PLCB1: variants seen among roughly 807,000 people sequenced by gnomAD.
PLCB1 encodes the protein phospholipase C beta 1.
Under a neutral mutation model 161.8 loss-of-function variants are expected in PLCB1, and 46 were observed. The ratio of observed to expected loss-of-function variants is 0.28; its 90% CI spans 0.22 to 0.36. The LOEUF is 0.36. Ranked by LOEUF, PLCB1 falls within the 10% of genes least tolerant of loss-of-function variation. PLCB1 has a pLI of 1.00. For missense variants in PLCB1, 1,016 were observed against 1,472.5 expected, an observed-to-expected ratio of 0.69 and a Z score of 5.07; for synonymous variants, 517 against 503.7, an observed-to-expected ratio of 1.03 and a Z score of -0.35.
At chr20:8,601,469 T>C (rs1987584772) in intron 3 of PLCB1, among the ~76,000 whole-genome samples, 1 of 152,176 alleles carries the variant, frequency 6.6e-6, no homozygotes, top group Admixed American at 6.5e-5. Flanking sequence ...TGAGAACGTG[T>C]GAGTTGGTTT....
chr20:8,492,848 ATGTGTGTGTGTG>A (rs10536329), intron 3 of PLCB1, among the ~76,000 whole-genome samples: 1 of 145,050 alleles, frequency 6.9e-6, no homozygotes, highest in Non-Finnish European at 1.5e-5. Flanking sequence ...ATATATATAT[ATGTGTGTGTGTG>A]TGTGTGTGTG....
chr20:8,136,586 A>G (rs1038333447), intron 1 of PLCB1, among the ~76,000 whole-genome samples: 1 of 151,366 alleles, frequency 6.6e-6, no homozygotes, highest in Non-Finnish European at 1.5e-5. Context: ...AGATCGCGCC[A>G]CTGCACTCCA....
At chr20:8,616,080 T>G (rs1988034101) in intron 3 of PLCB1, among the ~76,000 whole-genome samples, 1 of 152,144 alleles carries the variant, frequency 6.6e-6, no homozygotes. Flanking sequence ...CAACATCAAG[T>G]CAAGCTGATT....
At chr20:8,311,166 G>A (rs1182683238) in intron 2 of PLCB1, among the ~76,000 whole-genome samples, 2 of 152,136 alleles carry the variant, frequency 1.3e-5, no homozygotes, top group Admixed American at 6.6e-5. Flanking sequence ...ATGCCCACTT[G>A]GGATGTATTC....
chr20:8,506,029 G>A (rs966511076), intron 3 of PLCB1, among the ~76,000 whole-genome samples: 1 of 152,170 alleles, frequency 6.6e-6, no homozygotes, highest in African/African-American at 2.4e-5. Context: ...GGAGGAGTGA[G>A]ATCATTGCAT....
chr20:8,672,529 C>G (rs1402241823), intron 9 of PLCB1, among the ~76,000 whole-genome samples: 1 of 151,878 alleles, frequency 6.6e-6, no homozygotes, highest in African/African-American at 2.4e-5. Flanking sequence ...AGGAGCAGTT[C>G]CATGCTAGTT....
At chr20:8,622,114 G>A (rs1290635973) in intron 3 of PLCB1, among the ~76,000 whole-genome samples, 1 of 151,880 alleles carries the variant, frequency 6.6e-6, no homozygotes, top group Non-Finnish European at 1.5e-5. Context: ...TTAGGGGGTG[G>A]TTGGTGGCGC....
chr20:8,208,826 A>G (rs745774448), intron 2 of PLCB1, among the ~76,000 whole-genome samples: 1 of 152,168 alleles, frequency 6.6e-6, no homozygotes, highest in Non-Finnish European at 1.5e-5. Context: ...TTCAGATAAA[A>G]GTGTGCAAAA....
At chr20:8,256,427 G>C (rs1981421678) in intron 2 of PLCB1, among the ~76,000 whole-genome samples, 1 of 151,982 alleles carries the variant, frequency 6.6e-6, no homozygotes, top group African/African-American at 2.4e-5. Flanking sequence ...ATCCTCAACA[G>C]ACTAACTAGC....
At chr20:8,609,220 C>T (rs1323979919) in intron 3 of PLCB1, among the ~76,000 whole-genome samples, 1 of 152,104 alleles carries the variant, frequency 6.6e-6, no homozygotes, top group Admixed American at 6.5e-5. Context: ...TTTGTCATTA[C>T]TTTCAATGGC....
intron 9 of PLCB1, among the ~76,000 whole-genome samples, chr20:8,662,277 T>C (rs1165460006): frequency 8.1e-6 from 1 of 123,962 alleles, no homozygotes; most frequent in East Asian, 2.5e-4. Flanking sequence ...GTATTTATTA[T>C]ATAATTATGT....
chr20:8,876,910 A>C (rs1422915369), intron 31 of PLCB1, among the ~76,000 whole-genome samples: 1 of 152,110 alleles, frequency 6.6e-6, no homozygotes, highest in Non-Finnish European at 1.5e-5. Context: ...AACAGCATAT[A>C]CTTTTGACAC....
intron 2 of PLCB1, among the ~76,000 whole-genome samples, chr20:8,196,664 A>ATATATAT (rs397786544): frequency 0.01 from 1,513 of 149,610 alleles, 33 homozygotes; most frequent in African/African-American, 0.035. Context: ...ATATATATAT[A>ATATATAT]AAATATATAT....
intron 20 of PLCB1, among the ~76,000 whole-genome samples, 159 bp from the exon 21 acceptor site, chr20:8,739,102 G>T (rs2123515339): frequency 6.6e-6 from 1 of 152,306 alleles, no homozygotes; most frequent in South Asian, 2.1e-4. Context: ...AGTGAGCCAA[G>T]ATCACGCCAC....
intron 2 of PLCB1, among the ~76,000 whole-genome samples, chr20:8,226,349 C>T (rs945894520): frequency 2.0e-5 from 3 of 152,102 alleles, no homozygotes; most frequent in Non-Finnish European, 1.5e-5. Flanking sequence ...GCCTGGTCAC[C>T]TCCCTCACGT....
intron 2 of PLCB1, among the ~76,000 whole-genome samples, chr20:8,291,752 G>A (rs1044229663): frequency 4.6e-5 from 7 of 152,192 alleles, no homozygotes; most frequent in Non-Finnish European, 1.0e-4. Context: ...TCACCATGGT[G>A]TAGGTACTGT....
At chr20:8,587,547 A>G (rs185507738) in intron 3 of PLCB1, among the ~76,000 whole-genome samples, 3 of 152,340 alleles carry the variant, frequency 2.0e-5, no homozygotes, top group Admixed American at 6.5e-5. Context: ...CTTACTGAAG[A>G]CATCATGAGT....
At chr20:8,316,810 C>A (rs945061972) in intron 2 of PLCB1, among the ~76,000 whole-genome samples, 9 of 152,024 alleles carry the variant, frequency 5.9e-5, no homozygotes, top group African/African-American at 7.2e-5. Context: ...TCAAGGCAGA[C>A]CAGTTAGTAC....
Position 8,658,637 on chromosome 20 carries a change from T to C in PLCB1, c.795T>C (p.Pro265=). The C allele has an allele frequency of 1.9e-6, 3 of 1,613,096 alleles. No homozygotes were observed. The highest frequency in any genetic ancestry group is 2.5e-6 in the Non-Finnish European group (3 of 1,179,382). Residue 265 remains proline (P), a synonymous_variant, in exon 9 of 32, where the codon CCT becomes CCC. Transcript: ENST00000338037. ...GGCTTAATGAAATACTTTATCCACC[T>C]CTAAAACAAGAGCAAGTCCAAGTAT... ...DPRLNEILYP[P]LKQEQVQVLI... is the part of the protein sequence containing the mutation.
Sources: gnomAD v4.1 joint callset for allele counts (sites outside exome capture counted in the v4.1 genomes callset) on GRCh38, gnomAD v4.1.1 for gene constraint, MANE v1.5 for transcripts, NCBI Gene and HGNC (gene_info 2026-07-23, HGNC 2026-07-21) for gene names.